The following CPEB1 variants were observed in gnomAD, a reference collection of about 807,000 sequenced individuals.
The protein encoded by CPEB1 is cytoplasmic polyadenylation element-binding protein 1.
In CPEB1, 7 loss-of-function variants were observed where a neutral mutation model predicts 65.8. The ratio of observed to expected loss-of-function variants is 0.11; its 90% CI spans 0.06 to 0.20. The LOEUF (loss-of-function observed/expected upper bound fraction) is 0.20. Ranked by LOEUF, CPEB1 falls within the 10% of genes least tolerant of loss-of-function variation. The pLI, the probability that CPEB1 is intolerant of heterozygous loss-of-function variation, is 1.00. For missense variants in CPEB1, 551 were observed against 712.2 expected, an observed-to-expected ratio of 0.77 and a Z score of 2.58; for synonymous variants, 262 against 260.0, an observed-to-expected ratio of 1.01 and a Z score of -0.08.
intron 1 of CPEB1, chr15:82,641,705 G>A (rs989072953): frequency 2.0e-5 from 3 of 150,100 alleles, no homozygotes; most frequent in Non-Finnish European, 4.4e-5. Flanking sequence ...AAAACAAAGA[G>A]TGTTAACTCA....
chr15:82,629,573 C>T, intron 1 of CPEB1: 2 of 985,292 alleles, frequency 2.0e-6, no homozygotes, highest in Middle Eastern at 5.2e-4. Flanking sequence ...CCATTCTTCA[C>T]TCCGGTCTCC....
chr15:82,607,385 C>T (rs1427214078), intron 3 of CPEB1, among the ~76,000 whole-genome samples: 7 of 151,958 alleles, frequency 4.6e-5, no homozygotes, highest in Admixed American at 2.0e-4. Flanking sequence ...GTCAGGAGTT[C>T]GAGACCAGCC....
At chr15:82,610,572 T>C (rs1408405556) in intron 3 of CPEB1, among the ~76,000 whole-genome samples, 1 of 151,064 alleles carries the variant, frequency 6.6e-6, no homozygotes, top group Non-Finnish European at 1.5e-5. Context: ...TAAAAAAAAA[T>C]CACATGATCA....
At chr15:82,625,859 C>A (rs1361881391) in intron 3 of CPEB1, among the ~76,000 whole-genome samples, 1 of 152,202 alleles carries the variant, frequency 6.6e-6, no homozygotes, top group Non-Finnish European at 1.5e-5. Context: ...TGGCTCGTGC[C>A]TGTAATCCCA....
At chr15:82,638,675 C>G (rs774756267) in intron 1 of CPEB1, 3 of 152,160 alleles carry the variant, frequency 2.0e-5, no homozygotes, top group African/African-American at 4.8e-5. Context: ...AAAAAAGAGG[C>G]TTATTCTTGA....
intron 4 of CPEB1, among the ~76,000 whole-genome samples, chr15:82,566,875 C>G (rs146023177): frequency 2.1e-4 from 32 of 152,150 alleles, no homozygotes; most frequent in African/African-American, 7.7e-4. Flanking sequence ...TCACCGTCCC[C>G]TAGAAGCTAC....
At chr15:82,597,363 T>C (rs913004471) in intron 3 of CPEB1, among the ~76,000 whole-genome samples, 9 of 152,168 alleles carry the variant, frequency 5.9e-5, no homozygotes, top group Admixed American at 3.3e-4. Flanking sequence ...ACCGGCCCAG[T>C]TGGATTTACA....
chr15:82,636,076 T>TCCC (rs2046635411), intron 1 of CPEB1, among the ~76,000 whole-genome samples: 1 of 152,154 alleles, frequency 6.6e-6, no homozygotes, highest in Non-Finnish European at 1.5e-5. Flanking sequence ...CTCCACTGGC[T>TCCC]CCCCTTCAGT....
intron 3 of CPEB1, among the ~76,000 whole-genome samples, chr15:82,615,587 T>C (rs1206616197): frequency 2.6e-5 from 4 of 152,174 alleles, no homozygotes; most frequent in Non-Finnish European, 5.9e-5. Context: ...TGATGCCAGA[T>C]CATATATGCT....
intron 3 of CPEB1, among the ~76,000 whole-genome samples, chr15:82,592,088 C>T (rs1330872232): frequency 6.6e-6 from 1 of 151,820 alleles, no homozygotes; most frequent in South Asian, 2.1e-4. Flanking sequence ...TTGATCCGCC[C>T]GCCTCAGCCT....
intron 4 of CPEB1, among the ~76,000 whole-genome samples, chr15:82,567,698 A>G (rs1281910932): frequency 6.6e-6 from 1 of 152,142 alleles, no homozygotes; most frequent in Non-Finnish European, 1.5e-5. Flanking sequence ...AGAGACTTCT[A>G]AAGGGGAGTG....
chr15:82,580,344 G>A (rs1596059481), intron 3 of CPEB1, among the ~76,000 whole-genome samples: 2 of 150,208 alleles, frequency 1.3e-5, no homozygotes. Flanking sequence ...AGAAGAAGAA[G>A]AAAAAAGAAA....
chr15:82,564,346 C>T (rs979468110), intron 4 of CPEB1, among the ~76,000 whole-genome samples: 3 of 151,958 alleles, frequency 2.0e-5, no homozygotes, highest in Admixed American at 6.6e-5. Flanking sequence ...AGTGCGGTGG[C>T]GTGATCTCAG....
At chr15:82,562,622 T>C (rs1174426501) in intron 4 of CPEB1, among the ~76,000 whole-genome samples, 4 of 152,198 alleles carry the variant, frequency 2.6e-5, no homozygotes, top group Non-Finnish European at 1.5e-5. Flanking sequence ...GGAGGACTGC[T>C]TGAGACCAGG....
chr15:82,626,132 G>A (rs1223652493), intron 3 of CPEB1, among the ~76,000 whole-genome samples: 3 of 148,762 alleles, frequency 2.0e-5, no homozygotes, highest in Non-Finnish European at 4.5e-5. Context: ...AAAAAAGAAA[G>A]AAAAACAAAA....
chr15:82,559,079 A>G (rs1288409870), intron 4 of CPEB1, among the ~76,000 whole-genome samples: 1 of 152,170 alleles, frequency 6.6e-6, no homozygotes, highest in East Asian at 1.9e-4. Context: ...CTGACTAGCA[A>G]TGAAATGAAA....
intron 1 of CPEB1, among the ~76,000 whole-genome samples, chr15:82,643,384 C>A (rs1158266082): frequency 6.6e-6 from 1 of 152,172 alleles, no homozygotes; most frequent in Non-Finnish European, 1.5e-5. Context: ...GTAATCCCAG[C>A]ACTGTGGGAG....
In CPEB1 at chr15:82,611,350, T is replaced by C. The variant is rs145659849; in HGVS notation, c.271+15843A>G. On this transcript the variant is annotated intron_variant, in intron 3 of 12. Transcript: ENST00000684509. ...CTTACAATAGCATGAAAAATAAATA[T>C]ACTTATGAATAAATTGCAAGACTTG... Among the ~76,000 whole-genome samples, 807 of 152,148 alleles carry C rather than the reference T, an allele frequency of 5.3e-3. 3 individuals carry two copies. The highest frequency in any genetic ancestry group is 0.017 in the Middle Eastern group (5 of 294).
chr15:82,547,173 C>A lies in CPEB1; in HGVS notation c.1545G>T (p.Val515=), dbSNP rs772522093. The A allele has an allele frequency of 2.5e-6, 4 of 1,613,628 alleles. No homozygotes were observed. In the African/African-American group the frequency reaches 5.3e-5, roughly 22 times the overall value. Reference sequence around the variant, plus strand: ...TTGTGAACTTGGTGGTTTTGATCTCCACAAAAGCAGCGCTGACTGCTTTCA... The same window carrying A: ...TTGTGAACTTGGTGGTTTTGATCTCAACAAAAGCAGCGCTGACTGCTTTCA... The part of the protein sequence containing the change: ...SYLKAVSAAF[V]EIKTTKFTKK... The change falls in exon 11 of 13, where the codon GTG becomes GTT. Residue 515 remains valine (V), a synonymous_variant. Coordinates refer to ENST00000684509, the MANE Select transcript of CPEB1 (RefSeq NM_001365242.1).
Sources: gnomAD v4.1 joint callset for allele counts (sites outside exome capture counted in the v4.1 genomes callset) on GRCh38, gnomAD v4.1.1 for gene constraint, MANE v1.5 for transcripts, NCBI Gene and HGNC (gene_info 2026-07-23, HGNC 2026-07-21) for gene names.